The following SALL2 variants were observed in gnomAD, a reference collection of about 807,000 sequenced individuals.
SALL2 encodes spalt like transcription factor 2.
A neutral mutation model predicts 58.5 loss-of-function variants in SALL2; 32 were observed. That is an observed-to-expected ratio of 0.55 (90% CI 0.41 to 0.74). The LOEUF (loss-of-function observed/expected upper bound fraction) is 0.74. Among genes scored for constraint, SALL2 ranks in the 30% least tolerant of loss-of-function variants. SALL2 has a pLI of 0.00. For synonymous variants in SALL2, 516 were observed against 513.6 expected (o/e 1.00, Z -0.06); for missense variants, 1,201 against 1,268.9 (o/e 0.95, Z 0.81).
At chr14:21,532,995 A>AT (rs1311974653) in intron 1 of SALL2, among the ~76,000 whole-genome samples, 2 of 151,594 alleles carry the variant, frequency 1.3e-5, no homozygotes, top group African/African-American at 2.4e-5. Flanking sequence ...AAATAAATAA[A>AT]ATAATAATAA....
intron 1 of SALL2, chr14:21,536,885 T>C (rs1485477589): frequency 1.2e-6 from 2 of 1,613,938 alleles, no homozygotes; most frequent in African/African-American, 2.7e-5. Flanking sequence ...CAGTCCGAGA[T>C]TAACTGTTGG....
At position 21,523,749 on chromosome 14, in the gene SALL2, T is replaced by C. The variant is rs1892152569; in HGVS notation, c.1973A>G (p.Lys658Arg). Residue 658 changes from lysine (K) to arginine (R), a missense_variant, in exon 2 of 2, where the codon AAA (lysine) becomes AGA (arginine). Lys to Arg is a conservative substitution (Grantham distance 26). Transcript: ENST00000537235. The surrounding 1 kb of genome is among the most constrained non-coding windows in gnomAD (Gnocchi z 4.4). ...YGQHGGERPF[K>R]CKVCGRAFST... ...GAAGGCTCTGCCACACACTTTGCAT[T>C]TGAAGGGCCTCTCACCTCCATGTTG... is the stretch of plus-strand genomic sequence containing the variant. 6.2e-7 allele frequency: 1 copy of C among 1,614,136 alleles called. No individual in the cohort carries two copies.
Position 21,534,647 on chromosome 14 carries a change from G to C in SALL2, c.-114+2315C>G, listed in dbSNP as rs566033472. Among the ~76,000 whole-genome samples the C allele has an allele frequency of 2.0e-5, 3 of 152,226 alleles. No homozygotes were observed. In the South Asian group the frequency reaches 6.2e-4, roughly 32 times the overall value. ...AGAAGAGGAGAGAATGCTTCTTGGG[G>C]GTTTGGAGGGGTGTTCAGCATAGTT... On this transcript the variant is annotated intron_variant, in intron 1 of 1. Coordinates refer to the SALL2 transcript ENST00000541965.
intron 1 of SALL2, among the ~76,000 whole-genome samples, chr14:21,533,488 G>GTTTC (rs1289307789): frequency 4.6e-5 from 7 of 151,846 alleles, no homozygotes; most frequent in Non-Finnish European, 8.8e-5. Context: ...AAATATCTGG[G>GTTTC]TTTCTGATTG....
Position 21,526,301 on chromosome 14 carries a change from G to T in SALL2, c.-174C>A. 7.0e-7 allele frequency: 1 copy of T among 1,437,358 alleles called. No homozygotes were observed. The highest frequency in any genetic ancestry group is 2.5e-5 in the East Asian group (1 of 39,916). 89.0% of individuals were successfully genotyped at this position (1,437,358 alleles called of 1,614,324 possible). On this transcript the variant is annotated 5_prime_UTR_variant, in exon 1 of 2. Coordinates refer to ENST00000537235, the MANE Select transcript of SALL2 (RefSeq NM_001364564.1). The stretch of plus-strand genomic sequence containing the variant: ...AGCGGCGGAGGGGGAGGGGAGCGAG[G>T]AGGCGGGGAGAAGCTGGAGTGAGAA...
At chr14:21,530,957 A>G (rs563287372), upstream of SALL2, among the ~76,000 whole-genome samples, 136 of 152,354 alleles carry the variant, frequency 8.9e-4, 1 homozygote, top group Non-Finnish European at 1.8e-3. Context: ...GGTAGCTTCC[A>G]TAATTATGAA....
chr14:21,532,040 C>T (rs190321850), intron 1 of SALL2, among the ~76,000 whole-genome samples: 2 of 152,192 alleles, frequency 1.3e-5, no homozygotes, highest in Non-Finnish European at 2.9e-5. Flanking sequence ...GATTTCTCTT[C>T]TTTAAAATGA....
chr14:21,536,915 G>A (rs1197327026), intron 1 of SALL2: 3 of 1,613,934 alleles, frequency 1.9e-6, no homozygotes, highest in Non-Finnish European at 2.5e-6. Context: ...TGCTTTCGCC[G>A]AGACATTCCC....
At chr14:21,532,895 G>A (rs1253199680) in intron 1 of SALL2, among the ~76,000 whole-genome samples, 5 of 151,584 alleles carry the variant, frequency 3.3e-5, no homozygotes, top group Non-Finnish European at 5.9e-5. Context: ...CCCGGGAGGC[G>A]GAGCTCGCAG....
rs566619770 is a variant in SALL2, at chr14:21,523,100, T to A, written c.2622A>T (p.Ala874=). The A allele has an allele frequency of 6.2e-7, 1 of 1,614,202 alleles. No homozygotes were observed. Among genetic ancestry groups the A allele is most frequent in the African/African-American group, 1.3e-5 (1 of 75,074 alleles). The change falls in exon 2 of 2, where the codon GCA becomes GCT. Residue 874 remains alanine, a synonymous_variant. Transcript: ENST00000537235. The surrounding 1 kb of genome is among the most constrained non-coding windows in gnomAD (Gnocchi z 4.4). Reference sequence around the variant, plus strand: ...CTTCCCCTTCTGGGGTGAGTGCTGATGCCGGACTTGAGCTTCTCTCCGGTT... The same window carrying A: ...CTTCCCCTTCTGGGGTGAGTGCTGAAGCCGGACTTGAGCTTCTCTCCGGTT... ...GGKPERSSSP[A]SALTPEGEAT...
At chr14:21,535,042 C>T (rs1465533759) in intron 1 of SALL2, among the ~76,000 whole-genome samples, 3 of 152,066 alleles carry the variant, frequency 2.0e-5, no homozygotes, top group Non-Finnish European at 2.9e-5. Flanking sequence ...TTTCATGACA[C>T]GTCTCATAAA....
intron 1 of SALL2, among the ~76,000 whole-genome samples, chr14:21,535,521 T>C (rs939298793): frequency 1.3e-5 from 2 of 152,200 alleles, no homozygotes; most frequent in African/African-American, 2.4e-5. Flanking sequence ...TTATGCTAGG[T>C]ATTTTTCCAA....
chr14:21,528,902 T>C (rs1892390628), upstream of SALL2, among the ~76,000 whole-genome samples: 1 of 152,196 alleles, frequency 6.6e-6, no homozygotes, highest in Non-Finnish European at 1.5e-5. Context: ...GCATTGAACA[T>C]TTGATATCCA....
In SALL2 at chr14:21,522,521, G is replaced by T; in HGVS notation, c.*183C>A. ...TGAGGAGGGAAGAAAAATTCCTTAG[G>T]GGGCCATCCCCTTGTAAGCACAGTA... On this transcript the variant is annotated 3_prime_UTR_variant, in exon 2 of 2. Transcript: ENST00000537235. The T allele has an allele frequency of 7.2e-7, 1 of 1,385,530 alleles. No individual in the cohort carries two copies. The highest frequency in any genetic ancestry group is 9.3e-7 in the Non-Finnish European group (1 of 1,074,352). The allele number at this position is 1,385,530 out of a possible 1,614,324, so 85.8% of individuals were successfully genotyped here. A position where few individuals can be genotyped will look rare whatever the true frequency, so the allele number is the denominator to read the frequency against.
intron 1 of SALL2, among the ~76,000 whole-genome samples, chr14:21,536,333 G>A (rs1346384590): frequency 1.3e-5 from 2 of 152,114 alleles, no homozygotes; most frequent in African/African-American, 4.8e-5. Context: ...GCTGCATTCT[G>A]ACCGACCTTA....
At chr14:21,528,747 A>G (rs537168203), upstream of SALL2, among the ~76,000 whole-genome samples, 6 of 152,298 alleles carry the variant, frequency 3.9e-5, no homozygotes, top group African/African-American at 1.2e-4. Context: ...CTCCTGTCCA[A>G]TGCTTTCTCA....
chr14:21,523,248 C>G lies in SALL2; in HGVS notation c.2474G>C (p.Ser825Thr). 1 of 1,613,882 alleles carries G rather than the reference C, an allele frequency of 6.2e-7. No homozygotes were observed. Among genetic ancestry groups the G allele is most frequent in the African/African-American group, 1.3e-5 (1 of 75,060 alleles). ...AGACTGTTGAGTAGTTTTCTCATTA[C>G]TGTCCATCTCCTTCCCAGCTGTGGC... ...AAATAGKEMD[S>T]NEKTTQQSSL... Residue 825 changes from serine (S) to threonine (T), a missense_variant, in exon 2 of 2, where the codon AGT becomes ACT. By Grantham distance (58) the Ser-to-Thr change is moderately conservative (BLOSUM62 1). Coordinates refer to ENST00000537235, the MANE Select transcript of SALL2 (RefSeq NM_001364564.1). This position sits in a 1 kb window ranked among gnomAD's most constrained non-coding sequence, Gnocchi z 4.4.
intron 1 of SALL2, among the ~76,000 whole-genome samples, chr14:21,531,627 C>G (rs1892462604): frequency 1.3e-5 from 2 of 151,564 alleles, no homozygotes; most frequent in African/African-American, 4.9e-5. Flanking sequence ...AGGCTGGTCT[C>G]AAACTCCCAG....
At position 21,523,720 on chromosome 14, in the gene SALL2, T is replaced by A; in HGVS notation, c.2002A>T (p.Thr668Ser). 1 of 1,614,126 alleles carries A rather than the reference T, an allele frequency of 6.2e-7. No homozygotes were observed. The highest frequency in any genetic ancestry group is 8.5e-7 in the Non-Finnish European group (1 of 1,180,024). ...KCKVCGRAFS[T>S]RGNLRAHFVG... is the part of the protein sequence containing the mutation. The stretch of plus-strand genomic sequence containing the variant: ...AAATGTGCACGCAGATTACCCCTGG[T>A]GGAGAAGGCTCTGCCACACACTTTG... Residue 668 changes from threonine (T) to serine (S), a missense_variant, in exon 2 of 2, where the codon ACC becomes TCC. By Grantham distance (58) the Thr-to-Ser change is moderately conservative. Coordinates refer to ENST00000537235, the MANE Select transcript of SALL2 (RefSeq NM_001364564.1). This position sits in a 1 kb window ranked among gnomAD's most constrained non-coding sequence, Gnocchi z 4.4.
Sources: gnomAD v4.1 joint callset for allele counts (sites outside exome capture counted in the v4.1 genomes callset) on GRCh38, gnomAD v4.1.1 for gene constraint, Gnocchi (gnomAD v3.1) non-coding constraint, MANE v1.5 for transcripts, NCBI Gene and HGNC (gene_info 2026-07-23, HGNC 2026-07-21) for gene names.